TMEM132D: variants seen among roughly 807,000 people sequenced by gnomAD.
TMEM132D encodes the protein transmembrane protein 132D.
TMEM132D carries 21 observed loss-of-function variants against 62.3 expected under a neutral mutation model. The ratio of observed to expected loss-of-function variants is 0.34; its 90% confidence interval spans 0.24 to 0.49. The LOEUF (loss-of-function observed/expected upper bound fraction) is 0.49. Ranked by LOEUF, TMEM132D falls within the 20% of genes least tolerant of loss-of-function variation. The pLI is 0.99. For missense variants in TMEM132D, 1,346 were observed against 1,402.8 expected (o/e 0.96, Z 0.65); for synonymous variants, 621 against 575.6 (o/e 1.08, Z -1.13).
rs1165920600 is a variant in TMEM132D at position 129,779,036 on chromosome 12, C to T, written c.80-78338G>A. On this transcript the variant is annotated intron_variant, in intron 1 of 8. Coordinates refer to ENST00000422113, the MANE Select transcript of TMEM132D (RefSeq NM_133448.3). This position sits in a 1 kb window ranked among gnomAD's most constrained non-coding sequence, Gnocchi z 4.1. ...AAGCACTCCTGGGCTAGAATTGTGC[C>T]TCCATGGCTGAGAGGGAGCCTGACC... Among the ~76,000 whole-genome samples, 1 of 152,198 alleles carries T rather than the reference C, an allele frequency of 6.6e-6. No homozygotes were observed. Among genetic ancestry groups the T allele is most frequent in the East Asian group, 1.9e-4 (1 of 5,200 alleles).
At chr12:129,747,097 C>T (rs1869808489) in intron 1 of TMEM132D, among the ~76,000 whole-genome samples, 1 of 70,224 alleles carries the variant, frequency 1.4e-5, no homozygotes, top group African/African-American at 4.3e-5. Context: ...CGCTCCAGTT[C>T]CTTGAGAGTA....
chr12:129,416,878 T>A (rs1009046547), intron 3 of TMEM132D, among the ~76,000 whole-genome samples: 4 of 152,230 alleles, frequency 2.6e-5, no homozygotes, highest in Non-Finnish European at 4.4e-5. Context: ...CAGCCTTGCA[T>A]CCCAGGGGTG....
chr12:129,199,097 T>C (rs1878622260), intron 5 of TMEM132D, among the ~76,000 whole-genome samples: 1 of 132,426 alleles, frequency 7.6e-6, no homozygotes, highest in Non-Finnish European at 1.6e-5. Context: ...AACACGTCCA[T>C]CTACCTTTTT....
intron 2 of TMEM132D, among the ~76,000 whole-genome samples, chr12:129,671,309 C>G (rs1880495089): frequency 6.6e-6 from 1 of 152,086 alleles, no homozygotes; most frequent in South Asian, 2.1e-4. Context: ...GTGCTTCCAT[C>G]AGTTGTAAAA....
At chr12:129,588,018 G>T (rs556633314) in intron 2 of TMEM132D, among the ~76,000 whole-genome samples, 2 of 152,228 alleles carry the variant, frequency 1.3e-5, no homozygotes, top group East Asian at 3.9e-4. Context: ...ACCCTTCATG[G>T]CTTCTGATGG....
chr12:129,616,522 C>T (rs1019140977), intron 2 of TMEM132D, among the ~76,000 whole-genome samples: 3 of 152,132 alleles, frequency 2.0e-5, no homozygotes, highest in African/African-American at 7.2e-5. Flanking sequence ...CCCCATGTAT[C>T]GTGGGAGGGA....
intron 1 of TMEM132D, among the ~76,000 whole-genome samples, chr12:129,770,739 T>G (rs937655348): frequency 6.6e-6 from 1 of 152,160 alleles, no homozygotes; most frequent in Non-Finnish European, 1.5e-5. Flanking sequence ...GTGGGCAAAA[T>G]CATCCACCAT....
intron 3 of TMEM132D, among the ~76,000 whole-genome samples, chr12:129,392,665 T>C (rs2135695094): frequency 6.6e-6 from 1 of 152,232 alleles, no homozygotes; most frequent in South Asian, 2.1e-4. Flanking sequence ...ATATACAAAA[T>C]CAGGGACCCC....
intron 5 of TMEM132D, among the ~76,000 whole-genome samples, chr12:129,144,616 A>G (rs1158451783): frequency 7.2e-5 from 11 of 152,190 alleles, no homozygotes; most frequent in Non-Finnish European, 1.3e-4. Flanking sequence ...TACTTGAGTC[A>G]TCCCACATGA....
chr12:129,822,231 G>A (rs1252322821), intron 1 of TMEM132D, among the ~76,000 whole-genome samples: 1 of 152,162 alleles, frequency 6.6e-6, no homozygotes, highest in Non-Finnish European at 1.5e-5. Flanking sequence ...GAAGGGCTGA[G>A]TGGCTAGAGG....
chr12:129,680,672 A>ACTGACAAGAAGAACTTTAGTAT (rs1227720384), intron 2 of TMEM132D, among the ~76,000 whole-genome samples: 1 of 152,232 alleles, frequency 6.6e-6, no homozygotes, highest in African/African-American at 2.4e-5. Flanking sequence ...ATCCCAGATA[A>ACTGACAAGAAGAACTTTAGTAT]CTGACAAGAA....
intron 5 of TMEM132D, among the ~76,000 whole-genome samples, chr12:129,151,804 C>T (rs568543965): frequency 1.3e-5 from 2 of 151,908 alleles, no homozygotes; most frequent in South Asian, 2.1e-4. Context: ...GGTTCCTCTG[C>T]GAATATTTGT....
At chr12:129,266,392 T>C in intron 4 of TMEM132D, among the ~76,000 whole-genome samples, 1 of 150,350 alleles carries the variant, frequency 6.7e-6, no homozygotes, top group East Asian at 2.0e-4. Flanking sequence ...TCCCCTTCCT[T>C]TCTCTTCTCT....
chr12:129,550,834 C>T (rs12227658), intron 2 of TMEM132D, among the ~76,000 whole-genome samples: 28,143 of 152,032 alleles, frequency 0.19, 3,016 homozygotes, highest in East Asian at 0.42. Context: ...GTATATACCT[C>T]CTAACCCTAG....
intron 3 of TMEM132D, among the ~76,000 whole-genome samples, chr12:129,400,470 A>C (rs548184327): frequency 2.6e-5 from 4 of 152,278 alleles, no homozygotes; most frequent in Non-Finnish European, 1.5e-5. Flanking sequence ...AGTGGAAAAG[A>C]GGGATGAGGA....
chr12:129,338,659 G>C (rs575890835), intron 3 of TMEM132D, among the ~76,000 whole-genome samples: 35 of 152,244 alleles, frequency 2.3e-4, no homozygotes, highest in South Asian at 1.2e-3. Context: ...GCTGAGAGAG[G>C]TACTTTTTAA....
intron 5 of TMEM132D, among the ~76,000 whole-genome samples, chr12:129,117,272 G>A (rs565260386): frequency 2.2e-4 from 33 of 152,142 alleles, no homozygotes; most frequent in African/African-American, 7.5e-4. Flanking sequence ...GGTTCAGGGG[G>A]AGGAGGGGGG....
chr12:129,256,221 C>T (rs117376869), intron 4 of TMEM132D, among the ~76,000 whole-genome samples: 2,311 of 152,050 alleles, frequency 0.015, 31 homozygotes, highest in Non-Finnish European at 0.024. Flanking sequence ...TACGATTATA[C>T]TATCTGCAAT....
chr12:129,326,985 T>C lies in TMEM132D; in HGVS notation c.1299+10649A>G, dbSNP rs1317062355. 2.6e-5 allele frequency among the ~76,000 whole-genome samples: 4 copies of C among 152,074 alleles called. No individual in the cohort carries two copies. In the East Asian group the frequency reaches 7.7e-4, roughly 29 times the overall value. ...GCGCCTCTATGCAGAAGGGAGTGAATGAGACAGCTGTTAAGTGCAGACTGA... is the reference window on the plus strand; with the variant it reads ...GCGCCTCTATGCAGAAGGGAGTGAACGAGACAGCTGTTAAGTGCAGACTGA... On this transcript the variant is annotated intron_variant, in intron 4 of 8. Coordinates refer to ENST00000422113, the MANE Select transcript of TMEM132D (RefSeq NM_133448.3).
Sources: allele counts gnomAD v4.1 joint callset (sites outside exome capture counted in the v4.1 genomes callset), GRCh38; gene constraint gnomAD v4.1.1; non-coding constraint Gnocchi (gnomAD v3.1); transcripts MANE v1.5; gene names NCBI Gene and HGNC (gene_info 2026-07-23, HGNC 2026-07-21).